The following DOCK2 variants were observed in gnomAD, a reference collection of about 807,000 sequenced individuals.
The protein encoded by DOCK2 is dedicator of cytokinesis protein 2.
A neutral mutation model predicts 248.9 loss-of-function variants in DOCK2; 87 were observed. That is an observed-to-expected ratio of 0.35 (90% confidence interval 0.29 to 0.42). The LOEUF (loss-of-function observed/expected upper bound fraction) is 0.42. Among genes scored for constraint, DOCK2 ranks in the 10% least tolerant of loss-of-function variants. The pLI, the probability that DOCK2 is intolerant of heterozygous loss-of-function variation, is 1.00. For synonymous variants in DOCK2, 805 were observed against 821.6 expected (o/e 0.98, Z 0.35); for missense variants, 1,747 against 2,300.2 (o/e 0.76, Z 4.92).
chr5:169,808,593 C>CG (rs1165725922), intron 26 of DOCK2, among the ~76,000 whole-genome samples: 9 of 151,944 alleles, frequency 5.9e-5, no homozygotes, highest in Middle Eastern at 3.2e-3. Flanking sequence ...CTTTTCTCCC[C>CG]CCTCACTGAG....
intron 2 of DOCK2, among the ~76,000 whole-genome samples, chr5:169,662,885 T>C (rs909189079): frequency 4.6e-5 from 7 of 152,136 alleles, no homozygotes; most frequent in African/African-American, 7.2e-5. Context: ...ATGTCCTTCT[T>C]ACATTGCAAA....
In DOCK2 at chr5:170,050,512, C is replaced by A. The variant is rs370409473; in HGVS notation, c.4213+115C>A. On this transcript the variant is annotated intron_variant, in intron 41 of 51. Coordinates refer to ENST00000520908, the MANE Select transcript of DOCK2 (RefSeq NM_004946.3). ...GCTGCTGCCAGAATCATTGCAGTGG[C>A]GCCATGTTGCAGGAACATGCAACAT... 22 of 1,264,472 alleles carry A rather than the reference C, an allele frequency of 1.7e-5. No homozygotes were observed. The Admixed American group carries it at 5.3e-4, about 30-fold the overall frequency. 78.3% of individuals were successfully genotyped at this position (1,264,472 alleles called of 1,614,324 possible).
chr5:170,024,351 G>A (rs1273235751), intron 33 of DOCK2, among the ~76,000 whole-genome samples: 1 of 142,438 alleles, frequency 7.0e-6, no homozygotes, highest in African/African-American at 2.7e-5. Flanking sequence ...GTATGTTTGG[G>A]AGAGCCTTTT....
intron 25 of DOCK2, among the ~76,000 whole-genome samples, chr5:169,772,172 G>A (rs370757927): frequency 2.6e-5 from 4 of 152,248 alleles, no homozygotes; most frequent in African/African-American, 2.4e-5. Flanking sequence ...CTGTGCTATC[G>A]CTCACTGAGA....
At chr5:169,808,993 A>AT (rs71575579) in intron 26 of DOCK2, among the ~76,000 whole-genome samples, 31 of 148,292 alleles carry the variant, frequency 2.1e-4, no homozygotes, top group East Asian at 6.0e-4. Flanking sequence ...AAGGGTTCTG[A>AT]TTTTTTTTTT....
intron 29 of DOCK2, among the ~76,000 whole-genome samples, chr5:169,992,268 C>G (rs991074536): frequency 8.5e-5 from 13 of 152,310 alleles, no homozygotes; most frequent in Admixed American, 4.6e-4. Context: ...GCCTGGCAGG[C>G]AGTTGAAAAC....
At chr5:169,831,344 A>G (rs1581255196) in intron 26 of DOCK2, among the ~76,000 whole-genome samples, 2 of 152,246 alleles carry the variant, frequency 1.3e-5, no homozygotes, top group African/African-American at 2.4e-5. Context: ...TGTCATGTAC[A>G]TAATAGGATT....
Position 169,681,787 on chromosome 5 carries a change from A to C in DOCK2, c.514A>C (p.Ile172Leu). 1 of 1,613,830 alleles carries C rather than the reference A, an allele frequency of 6.2e-7. No individual in the cohort carries two copies. Among genetic ancestry groups the C allele is most frequent in the Non-Finnish European group, 8.5e-7 (1 of 1,179,860 alleles). Residue 172 changes from isoleucine (I) to leucine (L), a missense_variant, in exon 7 of 52, where the codon ATC (isoleucine) becomes CTC (leucine). Ile to Leu is a conservative substitution (Grantham distance 5). Coordinates refer to ENST00000520908, the MANE Select transcript of DOCK2 (RefSeq NM_004946.3). ...GATTGTCAGAGATGAAGACGGAAATATCTTGGACCCTGATAATACCAGTGT... is the reference window on the plus strand; with the variant it reads ...GATTGTCAGAGATGAAGACGGAAATCTCTTGGACCCTGATAATACCAGTGT... ...DLIVRDEDGN[I>L]LDPDNTSVIS...
chr5:169,662,000 T>C (rs1320603813), intron 2 of DOCK2, among the ~76,000 whole-genome samples: 1 of 152,238 alleles, frequency 6.6e-6, no homozygotes, highest in Non-Finnish European at 1.5e-5. Context: ...TGCTGGATCA[T>C]ATGCTAGTTC....
intron 26 of DOCK2, among the ~76,000 whole-genome samples, chr5:169,832,762 A>T (rs1243079094): frequency 6.6e-6 from 1 of 152,060 alleles, no homozygotes; most frequent in Non-Finnish European, 1.5e-5. Flanking sequence ...AATGGAAAAG[A>T]CCTCTTCCAT....
intron 27 of DOCK2, among the ~76,000 whole-genome samples, chr5:169,925,007 T>C (rs1581424991): frequency 2.0e-5 from 3 of 152,234 alleles, no homozygotes; most frequent in South Asian, 4.1e-4. Context: ...TTTCAGAGTA[T>C]TGACTCAAGT....
chr5:170,050,340 G>A lies in DOCK2; in HGVS notation c.4156G>A (p.Glu1386Lys). The A allele has an allele frequency of 1.2e-6, 2 of 1,614,210 alleles. No individual in the cohort carries two copies. Among genetic ancestry groups the A allele is most frequent in the South Asian group, 1.1e-5 (1 of 91,086 alleles). The change falls in exon 41 of 52, where the codon GAG becomes AAG. Residue 1386 changes from glutamate to lysine, a missense_variant. By Grantham distance (56) the Glu-to-Lys change is moderately conservative. Transcript: ENST00000520908. ...GCTGATGACCCAGTTCCCCAATGCA[G>A]AGAAGATGAACACCACCTCTGCCCC... ...MQLMTQFPNAEKMNTTSAPGD... is the reference protein window; with the variant it reads ...MQLMTQFPNAKKMNTTSAPGD...
Position 169,700,146 on chromosome 5 carries a change from C to A in DOCK2, c.1258+7C>A. On this transcript the variant is annotated splice_region_variant and intron_variant, in intron 13 of 51. Transcript: ENST00000520908. ...CCAGAGATCATCATGCCAGGTGAGA[C>A]ACAGCTGCTCTGACCTTCCCCTGGG... 1.2e-6 allele frequency: 2 copies of A among 1,613,174 alleles called. No individual in the cohort carries two copies. The highest frequency in any genetic ancestry group is 8.5e-7 in the Non-Finnish European group (1 of 1,179,444).
intron 27 of DOCK2, among the ~76,000 whole-genome samples, chr5:169,853,072 A>G (rs2113378197): frequency 6.6e-6 from 1 of 152,310 alleles, no homozygotes; most frequent in East Asian, 1.9e-4. Context: ...TGCTGTTTTC[A>G]TGGTAGTGAA....
chr5:170,004,081 G>A (rs112482431), intron 30 of DOCK2, among the ~76,000 whole-genome samples: 17 of 152,308 alleles, frequency 1.1e-4, no homozygotes, highest in African/African-American at 3.4e-4. Flanking sequence ...GAATTGAAAC[G>A]TATGTCCACA....
At chr5:170,078,513 C>T (rs554887908) in intron 48 of DOCK2, among the ~76,000 whole-genome samples, 6 of 152,322 alleles carry the variant, frequency 3.9e-5, no homozygotes, top group Middle Eastern at 3.4e-3. Flanking sequence ...TTACCATATG[C>T]CAAGAATATG....
intron 27 of DOCK2, among the ~76,000 whole-genome samples, chr5:169,966,703 A>G (rs927515847): frequency 2.8e-4 from 43 of 152,170 alleles, no homozygotes; most frequent in African/African-American, 9.9e-4. Flanking sequence ...AGCTGAGACT[A>G]TGGTCTCCTC....
chr5:169,942,308 T>C (rs1776274136), intron 27 of DOCK2, among the ~76,000 whole-genome samples: 1 of 152,196 alleles, frequency 6.6e-6, no homozygotes, highest in Admixed American at 6.5e-5. Flanking sequence ...AATCATGAAG[T>C]GGATCCATGC....
intron 22 of DOCK2, among the ~76,000 whole-genome samples, chr5:169,719,848 C>T (rs1330303189): frequency 1.3e-5 from 2 of 150,624 alleles, no homozygotes; most frequent in Admixed American, 6.6e-5. Context: ...ATGGTGTGGA[C>T]TTGTTATTTT....
Sources: gnomAD v4.1 joint callset for allele counts (sites outside exome capture counted in the v4.1 genomes callset) on GRCh38, gnomAD v4.1.1 for gene constraint, MANE v1.5 for transcripts, NCBI Gene and HGNC (gene_info 2026-07-23, HGNC 2026-07-21) for gene names.